MACF1: variants seen among roughly 807,000 people sequenced by gnomAD.
MACF1 encodes the protein microtubule actin crosslinking factor 1, also known as microtubule-actin cross-linking factor 1.
MACF1 carries 193 observed loss-of-function variants against 854.8 expected under a neutral mutation model. The ratio of observed to expected loss-of-function variants is 0.23; its 90% CI spans 0.20 to 0.25. MACF1 has a LOEUF of 0.25. Ranked by LOEUF, MACF1 falls within the 10% of genes least tolerant of loss-of-function variation. The pLI, the probability that MACF1 is intolerant of heterozygous loss-of-function variation, is 1.00. For synonymous variants in MACF1, 3,185 were observed against 3,226.7 expected (o/e 0.99, Z 0.44); for missense variants, 7,722 against 8,929.1 (o/e 0.86, Z 5.45).
At chr1:39,349,727 G>A in intron 42 of MACF1, 100 bp downstream of exon 42, 1 of 1,279,672 alleles carries the variant, frequency 7.8e-7, no homozygotes, top group South Asian at 1.6e-5. Context: ...CGATCTCCTG[G>A]GCTCAGGCAA....
Position 39,388,127 on chromosome 1 carries a change from C to T in MACF1, c.15285C>T (p.Val5095=), listed in dbSNP as rs762518457. 2.5e-6 allele frequency: 4 copies of T among 1,614,098 alleles called. No homozygotes were observed. Among genetic ancestry groups the T allele is most frequent in the South Asian group, 2.2e-5 (2 of 91,074 alleles). ...DASQLLHQAE[V]AQQEFLEVKQ... ...CTCAACTTCTCCACCAAGCTGAGGT[C>T]GCCCAGCAAGAGTTCCTCGAAGTTA... is the stretch of plus-strand genomic sequence containing the variant. The change falls in exon 58 of 101, where the codon GTC becomes GTT. Residue 5095 remains valine (V), a synonymous_variant. Coordinates refer to ENST00000564288, the MANE Select transcript of MACF1 (RefSeq NM_001394062.1).
chr1:39,322,518 G>T lies in MACF1; in HGVS notation c.4030-90G>T, dbSNP rs555153861. On this transcript the variant is annotated intron_variant, in intron 31 of 100. Coordinates refer to ENST00000564288, the MANE Select transcript of MACF1 (RefSeq NM_001394062.1). ...CTCCAGCATGAGTGGTCACCAAAAC[G>T]CTTCCAGCAATAAAAAGCTATGATT... 8.7e-5 allele frequency: 100 copies of T among 1,153,010 alleles called. No individual in the cohort carries two copies. The Middle Eastern group carries it at 1.5e-3, about 17-fold the overall frequency. The allele number at this position is 1,153,010 out of a possible 1,614,324, so 71.4% of individuals were successfully genotyped here.
At chr1:39,309,389 C>T (rs533817005) in intron 23 of MACF1, among the ~76,000 whole-genome samples, 181 bp from the exon 24 acceptor site, 11 of 152,128 alleles carry the variant, frequency 7.2e-5, no homozygotes, top group South Asian at 4.1e-4. Flanking sequence ...TGAGCTACCA[C>T]GCCCAGCCTC....
intron 97 of MACF1, among the ~76,000 whole-genome samples, chr1:39,477,519 A>C (rs1037337745): frequency 6.6e-6 from 1 of 152,062 alleles, no homozygotes; most frequent in Admixed American, 6.5e-5. Flanking sequence ...CACCACACCC[A>C]GCCATTAAGC....
intron 58 of MACF1, chr1:39,413,838 C>T (rs1333670393): frequency 1.6e-5 from 26 of 1,611,300 alleles, no homozygotes; most frequent in Non-Finnish European, 2.0e-5. Flanking sequence ...TGGTGGCCAC[C>T]CTGGAGGAAC....
At chr1:39,326,551 G>T (rs1334188830) in intron 35 of MACF1, among the ~76,000 whole-genome samples, 1 of 151,586 alleles carries the variant, frequency 6.6e-6, no homozygotes, top group Non-Finnish European at 1.5e-5. Flanking sequence ...TGTGGTGGCG[G>T]GCACGTGTAA....
At chr1:39,329,869 T>C (rs975198962) in intron 36 of MACF1, among the ~76,000 whole-genome samples, 10 of 152,230 alleles carry the variant, frequency 6.6e-5, no homozygotes, top group Admixed American at 6.5e-4. Context: ...CGGACCTAAC[T>C]CCTGTGTTAA....
Position 39,334,925 on chromosome 1 carries a change from T to C in MACF1, c.8337T>C (p.Ile2779=), listed in dbSNP as rs1227395732. 1 of 1,614,144 alleles carries C rather than the reference T, an allele frequency of 6.2e-7. No homozygotes were observed. Among genetic ancestry groups the C allele is most frequent in the Non-Finnish European group, 8.5e-7 (1 of 1,180,010 alleles). ...HRAQIEKQEG[I]EVCALQNEFL... ...CTCAGATTGAAAAGCAAGAAGGGATTGAAGTGTGTGCATTACAAAATGAAT... is the reference window on the plus strand; with the variant it reads ...CTCAGATTGAAAAGCAAGAAGGGATCGAAGTGTGTGCATTACAAAATGAAT... The change falls in exon 37 of 101, where the codon ATT becomes ATC. Residue 2779 remains isoleucine, a synonymous_variant. Coordinates refer to ENST00000564288, the MANE Select transcript of MACF1 (RefSeq NM_001394062.1).
chr1:39,388,247 G>A lies in MACF1; in HGVS notation c.15405G>A (p.Leu5135=). The A allele has an allele frequency of 1.9e-6, 3 of 1,614,184 alleles. No individual in the cohort carries two copies. The highest frequency in any genetic ancestry group is 2.5e-6 in the Non-Finnish European group (3 of 1,180,026). Residue 5135 remains leucine (L), a synonymous_variant, in exon 58 of 101, where the codon TTG becomes TTA. Transcript: ENST00000564288. Reference sequence around the variant, plus strand: ...GGGTCCGAGAGATGTTCTCTCAATTGGCAGACCTGGATGATGAGCTAGATG... The same window carrying A: ...GGGTCCGAGAGATGTTCTCTCAATTAGCAGACCTGGATGATGAGCTAGATG... ...HCRVREMFSQ[L]ADLDDELDGM...
chr1:39,367,976 G>GAA (rs374434053), intron 49 of MACF1, among the ~76,000 whole-genome samples, 172 bp from the exon 50 acceptor site: 13 of 106,368 alleles, frequency 1.2e-4, no homozygotes, highest in South Asian at 3.0e-4. Context: ...GTCTCAAAAG[G>GAA]AAAAAAAAAA....
In MACF1 at chr1:39,334,438, G is replaced by A. The variant is rs1195893520; in HGVS notation, c.7850G>A (p.Gly2617Asp). The change falls in exon 37 of 101, where the codon GGC becomes GAC. Residue 2617 changes from glycine to aspartate, a missense_variant. This residue lies in a region of MACF1 where 1,531 missense variants were observed against 1,601.6 expected (regional missense o/e 0.96). Transcript: ENST00000564288. ...EAVLSPGMMHGIVDPENCRIV... is the reference protein window; with the variant it reads ...EAVLSPGMMHDIVDPENCRIV... ...GTATTGTCTCCAGGAATGATGCATG[G>A]CATTGTAGATCCCGAGAACTGCAGA... is the stretch of plus-strand genomic sequence containing the variant. 1.1e-5 allele frequency: 18 copies of A among 1,613,956 alleles called. No individual in the cohort carries two copies. In the East Asian group the frequency reaches 3.8e-4, roughly 34 times the overall value.
At chr1:39,248,421 C>T (rs966758139) in intron 2 of MACF1, among the ~76,000 whole-genome samples, 1 of 151,982 alleles carries the variant, frequency 6.6e-6, no homozygotes, top group African/African-American at 2.4e-5. Context: ...CAGCCTTGAG[C>T]CTTAAACTCC....
At chr1:39,276,523 TTC>T (rs1375046060) in intron 6 of MACF1, among the ~76,000 whole-genome samples, 1 of 152,226 alleles carries the variant, frequency 6.6e-6, no homozygotes, top group Non-Finnish European at 1.5e-5. Context: ...TAACTACTAT[TTC>T]TGTTTCACCT....
intron 2 of MACF1, among the ~76,000 whole-genome samples, chr1:39,087,551 C>T (rs771655579): frequency 1.3e-5 from 2 of 152,196 alleles, no homozygotes; most frequent in Non-Finnish European, 2.9e-5. Flanking sequence ...TCTTTGCCAG[C>T]CATATTCTCA....
intron 70 of MACF1, chr1:39,436,010 TTA>T (rs1643966998): frequency 4.1e-6 from 2 of 488,372 alleles, no homozygotes; most frequent in Non-Finnish European, 7.2e-6. Context: ...TCTGAAAACT[TTA>T]TGTTGTGATG....
At chr1:39,423,025 T>G (rs1643597572) in intron 60 of MACF1, 125 bp downstream of exon 60, 1 of 800,538 alleles carries the variant, frequency 1.2e-6, no homozygotes, top group Non-Finnish European at 1.9e-6. Flanking sequence ...TGTGTCGTCC[T>G]GAAAAGAAAG....
chr1:39,200,767 A>G (rs1260624331), upstream of MACF1, among the ~76,000 whole-genome samples: 1 of 150,828 alleles, frequency 6.6e-6, no homozygotes, highest in Non-Finnish European at 1.5e-5. Context: ...CATATATTCA[A>G]TTGTCTATTC....
chr1:39,439,156 A>G (rs1220744798), intron 71 of MACF1, 118 bp from the exon 72 acceptor site: 1 of 567,976 alleles, frequency 1.8e-6, no homozygotes, highest in Non-Finnish European at 3.2e-6. Flanking sequence ...ATAAATGCTT[A>G]GCATTTTTTT....
intron 2 of MACF1, among the ~76,000 whole-genome samples, chr1:39,244,695 C>T (rs1644963321): frequency 6.6e-6 from 1 of 152,064 alleles, no homozygotes; most frequent in Non-Finnish European, 1.5e-5. Flanking sequence ...TCTCCTGCCT[C>T]ATCCTCCCCA....
Sources: allele counts gnomAD v4.1 joint callset (sites outside exome capture counted in the v4.1 genomes callset), GRCh38; gene constraint gnomAD v4.1.1; regional missense constraint gnomAD v4.1.1; transcripts MANE v1.5; gene names NCBI Gene and HGNC (gene_info 2026-07-23, HGNC 2026-07-21).